Variants in LHFPL2 observed in about 807,000 individuals in gnomAD.
LHFPL2 encodes LHFPL tetraspan subfamily member 2.
In LHFPL2, 7 loss-of-function variants were observed where a neutral mutation model predicts 17.5. That is an observed-to-expected ratio of 0.40 (90% CI 0.23 to 0.75). The LOEUF is 0.75. Ranked by LOEUF, LHFPL2 falls within the 30% of genes least tolerant of loss-of-function variation. The probability of loss-of-function intolerance (pLI) is 0.37; values close to 1 mark genes in which losing one functional copy is unlikely to be tolerated. For synonymous variants in LHFPL2, 134 were observed against 116.2 expected (o/e 1.15, Z -0.99); for missense variants, 241 against 294.8 (o/e 0.82, Z 1.34).
chr5:78,593,654 G>A (rs1042937716), intron 2 of LHFPL2, among the ~76,000 whole-genome samples: 2 of 152,166 alleles, frequency 1.3e-5, no homozygotes, highest in African/African-American at 4.8e-5. Flanking sequence ...TAGTACATCT[G>A]GTAGTGGTCA....
At chr5:78,535,838 G>A (rs1404819214) in intron 3 of LHFPL2, among the ~76,000 whole-genome samples, 2 of 152,162 alleles carry the variant, frequency 1.3e-5, no homozygotes, top group Admixed American at 1.3e-4. Flanking sequence ...AACAGGTGCC[G>A]GACTCTGACA....
At chr5:78,643,575 T>C (rs1184429911) in intron 1 of LHFPL2, among the ~76,000 whole-genome samples, 1 of 152,232 alleles carries the variant, frequency 6.6e-6, no homozygotes, top group African/African-American at 2.4e-5. Flanking sequence ...CACAACTTTT[T>C]TTTTTTGAAA....
intron 4 of LHFPL2, among the ~76,000 whole-genome samples, chr5:78,503,569 G>T (rs888340610): frequency 1.3e-5 from 2 of 152,126 alleles, no homozygotes; most frequent in Non-Finnish European, 2.9e-5. Context: ...ATAGTGGCAG[G>T]TGCCTGTAAT....
intron 4 of LHFPL2, among the ~76,000 whole-genome samples, chr5:78,503,685 C>T (rs892140740): frequency 4.1e-5 from 6 of 146,926 alleles, no homozygotes; most frequent in African/African-American, 7.3e-5. Flanking sequence ...GCAATAAGAG[C>T]GAAACTCCAT....
At chr5:78,622,334 G>C (rs749980122) in intron 2 of LHFPL2, among the ~76,000 whole-genome samples, 10 of 152,188 alleles carry the variant, frequency 6.6e-5, no homozygotes, top group Admixed American at 1.3e-4. Context: ...CTCCTATTAC[G>C]ATAGCAGCGC....
chr5:78,585,764 T>C (rs1231144304), intron 2 of LHFPL2, among the ~76,000 whole-genome samples: 4 of 152,220 alleles, frequency 2.6e-5, no homozygotes, highest in East Asian at 1.9e-4. Flanking sequence ...AGGCACTTAA[T>C]AGCATTTGTC....
At position 78,604,335 on chromosome 5, in the gene LHFPL2, G is replaced by A. The variant is rs539140198; in HGVS notation, c.-245+27929C>T. Among the ~76,000 whole-genome samples, 13 of 152,210 alleles carry A rather than the reference G, an allele frequency of 8.5e-5. No individual in the cohort carries two copies. In the East Asian group the frequency reaches 2.5e-3, roughly 29 times the overall value. On this transcript the variant is annotated intron_variant, in intron 2 of 4. Transcript: ENST00000380345. ...TCTACTAAAAATACAAAATTGGCTG[G>A]GCGTGGTGGTGGGCGCCTGTAATCC...
intron 2 of LHFPL2, among the ~76,000 whole-genome samples, chr5:78,618,305 T>G (rs1744692087): frequency 6.6e-6 from 1 of 152,160 alleles, no homozygotes; most frequent in Admixed American, 6.5e-5. Flanking sequence ...TTGATTTTAT[T>G]TTTTAGGGGT....
At chr5:78,511,222 T>C (rs1250564614) in intron 3 of LHFPL2, among the ~76,000 whole-genome samples, 1 of 152,208 alleles carries the variant, frequency 6.6e-6, no homozygotes, top group Admixed American at 6.5e-5. Flanking sequence ...AACAGAACCT[T>C]GTCTATGAAG....
chr5:78,550,623 T>C (rs925010703), intron 3 of LHFPL2, among the ~76,000 whole-genome samples: 1 of 152,178 alleles, frequency 6.6e-6, no homozygotes, highest in Non-Finnish European at 1.5e-5. Flanking sequence ...CAAGCTGGAG[T>C]GCAGTGGCAT....
intron 4 of LHFPL2, among the ~76,000 whole-genome samples, chr5:78,508,255 G>A (rs1010061727): frequency 6.6e-6 from 1 of 152,174 alleles, no homozygotes; most frequent in African/African-American, 2.4e-5. Flanking sequence ...TATCTCAAGT[G>A]AAACTGCTAA....
intron 3 of LHFPL2, among the ~76,000 whole-genome samples, chr5:78,523,740 G>A (rs1755532460): frequency 6.6e-6 from 1 of 152,140 alleles, no homozygotes; most frequent in Non-Finnish European, 1.5e-5. Flanking sequence ...TCTTGCCGTG[G>A]CCCGAGATAC....
chr5:78,567,690 G>A (rs1013095473), intron 2 of LHFPL2, among the ~76,000 whole-genome samples: 1 of 152,152 alleles, frequency 6.6e-6, no homozygotes, highest in African/African-American at 2.4e-5. Flanking sequence ...CAGGCAAAAA[G>A]AAACTTAACC....
At chr5:78,603,312 T>C (rs893272995) in intron 2 of LHFPL2, among the ~76,000 whole-genome samples, 4 of 152,236 alleles carry the variant, frequency 2.6e-5, no homozygotes, top group African/African-American at 9.6e-5. Context: ...CATTTATTGA[T>C]TAGCCTACAG....
chr5:78,489,802 G>T (rs1198207682), intron 4 of LHFPL2, among the ~76,000 whole-genome samples: 1 of 152,218 alleles, frequency 6.6e-6, no homozygotes, highest in Non-Finnish European at 1.5e-5. Flanking sequence ...TTGGAACACA[G>T]CTGTGGCCAT....
chr5:78,492,445 G>T (rs1309130293), intron 4 of LHFPL2, among the ~76,000 whole-genome samples: 1 of 152,182 alleles, frequency 6.6e-6, no homozygotes, highest in African/African-American at 2.4e-5. Flanking sequence ...CCTTAATTTG[G>T]CTGTCTTGGG....
At chr5:78,575,704 A>C (rs1223806889) in intron 2 of LHFPL2, among the ~76,000 whole-genome samples, 1 of 152,222 alleles carries the variant, frequency 6.6e-6, no homozygotes, top group Non-Finnish European at 1.5e-5. Flanking sequence ...GTTATAGCTT[A>C]AGAGTTCTCT....
At chr5:78,555,274 C>A (rs1364011143) in intron 3 of LHFPL2, among the ~76,000 whole-genome samples, 1 of 152,182 alleles carries the variant, frequency 6.6e-6, no homozygotes, top group Admixed American at 6.5e-5. Context: ...AACTTAATTT[C>A]TATAAATGGT....
chr5:78,586,519 G>A (rs545654933), intron 2 of LHFPL2, among the ~76,000 whole-genome samples: 5 of 152,178 alleles, frequency 3.3e-5, no homozygotes, highest in South Asian at 2.1e-4. Flanking sequence ...TCTTATCCTC[G>A]GCTTCCTCTG....
Sources: gnomAD v4.1 joint callset for allele counts (sites outside exome capture counted in the v4.1 genomes callset) on GRCh38, gnomAD v4.1.1 for gene constraint, MANE v1.5 for transcripts, NCBI Gene and HGNC (gene_info 2026-07-23, HGNC 2026-07-21) for gene names.